Variants in MAP3K3 observed in about 807,000 individuals in gnomAD.
MAP3K3 encodes the protein mitogen-activated protein kinase kinase kinase 3, also known as MAP/ERK kinase kinase 3.
MAP3K3 carries 12 observed loss-of-function variants against 80.9 expected under a neutral mutation model. That is an observed-to-expected ratio of 0.15 (90% CI 0.10 to 0.24). The LOEUF (loss-of-function observed/expected upper bound fraction) is 0.24, where lower values mean the gene tolerates loss of function less well. Ranked by LOEUF, MAP3K3 falls within the 10% of genes least tolerant of loss-of-function variation. MAP3K3 has a pLI of 1.00. For synonymous variants in MAP3K3, 272 were observed against 307.1 expected, an observed-to-expected ratio of 0.89 and a Z score of 1.19; for missense variants, 596 against 834.7, an observed-to-expected ratio of 0.71 and a Z score of 3.52.
intron 4 of MAP3K3, among the ~76,000 whole-genome samples, chr17:63,654,733 G>A (rs1383119925): frequency 6.6e-6 from 1 of 152,150 alleles, no homozygotes; most frequent in Non-Finnish European, 1.5e-5. Flanking sequence ...CCGAGACTGG[G>A]TAATTTATAA....
At chr17:63,628,501 C>T (rs2034151866) in intron 1 of MAP3K3, among the ~76,000 whole-genome samples, 1 of 151,662 alleles carries the variant, frequency 6.6e-6, no homozygotes, top group Non-Finnish European at 1.5e-5. Flanking sequence ...GATGGGATTA[C>T]AGGCATGTGC....
In MAP3K3 at chr17:63,695,071, T is replaced by TGG. The variant is rs1364586215; in HGVS notation, c.*1296_*1297dup. 1 of 146,748 alleles carries TGG rather than the reference T, an allele frequency of 6.8e-6. No homozygotes were observed. The highest frequency in any genetic ancestry group is 1.5e-5 in the Non-Finnish European group (1 of 66,870). The allele number at this position is 146,748 out of a possible 1,614,324, so 9.1% of individuals were successfully genotyped here. A position where few individuals can be genotyped will look rare whatever the true frequency, so the allele number is the denominator to read the frequency against. On this transcript the variant is annotated 3_prime_UTR_variant, in exon 16 of 16. Transcript: ENST00000361733. This position sits in a 1 kb window ranked among gnomAD's most constrained non-coding sequence, Gnocchi z 4.1. ...CCTCCCTCTCAACACCCAGTTTCCT[T>TGG]GGGAGTTGTCATTAAAGGAAAAAAA...
chr17:63,672,111 C>T (rs575932322), intron 6 of MAP3K3, among the ~76,000 whole-genome samples: 3 of 151,898 alleles, frequency 2.0e-5, no homozygotes, highest in East Asian at 1.9e-4. Context: ...GGTGAAACCC[C>T]GTCTCTATGA....
intron 5 of MAP3K3, among the ~76,000 whole-genome samples, chr17:63,664,185 T>C (rs1044918121): frequency 1.3e-4 from 18 of 139,716 alleles, no homozygotes; most frequent in Non-Finnish European, 2.3e-4. Flanking sequence ...AGGCGGAGCT[T>C]GCAGTGAGCC....
At chr17:63,662,568 G>A (rs2034915727) in intron 5 of MAP3K3, among the ~76,000 whole-genome samples, 1 of 151,998 alleles carries the variant, frequency 6.6e-6, no homozygotes, top group Non-Finnish European at 1.5e-5. Context: ...AGGTGAGGCA[G>A]TGTGTAGTGA....
intron 5 of MAP3K3, among the ~76,000 whole-genome samples, chr17:63,658,544 C>T (rs1335937028): frequency 6.6e-6 from 1 of 152,130 alleles, no homozygotes; most frequent in Non-Finnish European, 1.5e-5. Flanking sequence ...ATCTGTCTTC[C>T]AATTACTGAT....
Position 63,692,552 on chromosome 17 carries a change from G to C in MAP3K3, c.1652+133G>C. On this transcript the variant is annotated intron_variant, in intron 15 of 15. Transcript: ENST00000361733. The surrounding 1 kb of genome is among the most constrained non-coding windows in gnomAD (Gnocchi z 4.5). Reference sequence around the variant, plus strand: ...GGGCCCAGGCTGCAGTGTGTGCAAGGGTATTATTGGGTGCAGTAGCACACA... The same window carrying C: ...GGGCCCAGGCTGCAGTGTGTGCAAGCGTATTATTGGGTGCAGTAGCACACA... 1.1e-6 allele frequency: 1 copy of C among 876,724 alleles called. No homozygotes were observed. The highest frequency in any genetic ancestry group is 1.7e-6 in the Non-Finnish European group (1 of 589,536). The allele number at this position is 876,724 out of a possible 1,614,324, so 54.3% of individuals were successfully genotyped here.
chr17:63,680,783 A>ATTGTT (rs1385602685), intron 6 of MAP3K3, among the ~76,000 whole-genome samples: 2 of 150,764 alleles, frequency 1.3e-5, no homozygotes, highest in Non-Finnish European at 2.9e-5. Context: ...AACATAAATA[A>ATTGTT]TTGTTTTTGG....
In MAP3K3 at chr17:63,689,865, G is replaced by T. The variant is rs888592330; in HGVS notation, c.1063+130G>T. On this transcript the variant is annotated intron_variant, in intron 11 of 15. Transcript: ENST00000361733. This position sits in a 1 kb window ranked among gnomAD's most constrained non-coding sequence, Gnocchi z 4.3. ...GCTTTGGCCCAAATGCACCACATGGGATAAGCCTTGGAGTGTCTGAAGCCT... is the reference window on the plus strand; with the variant it reads ...GCTTTGGCCCAAATGCACCACATGGTATAAGCCTTGGAGTGTCTGAAGCCT... 1.5e-5 allele frequency: 12 copies of T among 816,316 alleles called. No individual in the cohort carries two copies. The Admixed American group carries it at 3.0e-4, about 21-fold the overall frequency. The allele number at this position is 816,316 out of a possible 1,614,324, so 50.6% of individuals were successfully genotyped here. A position where few individuals can be genotyped will look rare whatever the true frequency, so the allele number is the denominator to read the frequency against.
In MAP3K3 at chr17:63,693,838, G is replaced by A; in HGVS notation, c.*61G>A. ...CTGCATGGCAGGGGGCTGCTGCTGGGCTCAGTGAAGTTGCTGCTTCTCCCA... is the reference window on the plus strand; with the variant it reads ...CTGCATGGCAGGGGGCTGCTGCTGGACTCAGTGAAGTTGCTGCTTCTCCCA... On this transcript the variant is annotated 3_prime_UTR_variant, in exon 16 of 16. Coordinates refer to ENST00000361733, the MANE Select transcript of MAP3K3 (RefSeq NM_002401.5). This position sits in a 1 kb window ranked among gnomAD's most constrained non-coding sequence, Gnocchi z 4.2. 1.4e-6 allele frequency: 2 copies of A among 1,435,900 alleles called. No homozygotes were observed. The highest frequency in any genetic ancestry group is 1.9e-6 in the Non-Finnish European group (2 of 1,047,610). The allele number at this position is 1,435,900 out of a possible 1,614,324, so 88.9% of individuals were successfully genotyped here.
At chr17:63,680,271 A>C (rs1165858147) in intron 6 of MAP3K3, among the ~76,000 whole-genome samples, 2 of 152,084 alleles carry the variant, frequency 1.3e-5, no homozygotes, top group African/African-American at 4.8e-5. Context: ...GGGTCGTGGG[A>C]GAGAGGTAAG....
chr17:63,629,867 A>G (rs1202316896), intron 1 of MAP3K3, among the ~76,000 whole-genome samples: 1 of 152,198 alleles, frequency 6.6e-6, no homozygotes, highest in Non-Finnish European at 1.5e-5. Flanking sequence ...CTGGAAACAG[A>G]ATTTGTCAAC....
chr17:63,681,613 G>A (rs562962707), intron 6 of MAP3K3, among the ~76,000 whole-genome samples, 153 bp from the exon 7 acceptor site: 2 of 152,254 alleles, frequency 1.3e-5, no homozygotes, highest in African/African-American at 4.8e-5. Flanking sequence ...GACTTTGTTT[G>A]CCTGAGGGAG....
intron 2 of MAP3K3, among the ~76,000 whole-genome samples, chr17:63,639,256 TA>T (rs1224127768): frequency 6.6e-6 from 1 of 151,934 alleles, no homozygotes; most frequent in Non-Finnish European, 1.5e-5. Context: ...GTGAAGGAAG[TA>T]TAAACAGTTA....
chr17:63,667,697 C>T (rs1005340831), intron 6 of MAP3K3, among the ~76,000 whole-genome samples: 3 of 152,196 alleles, frequency 2.0e-5, no homozygotes, highest in African/African-American at 4.8e-5. Context: ...TTTAAATCAT[C>T]TCCGGGTTAT....
rs150672830 is a variant in MAP3K3 at position 63,680,842 on chromosome 17, G to A, written c.503-924G>A. Among the ~76,000 whole-genome samples, 810 of 148,932 alleles carry A rather than the reference G, an allele frequency of 5.4e-3. 25 individuals are homozygous for A. Among genetic ancestry groups the A allele is most frequent in the Admixed American group, 0.047 (701 of 14,988 alleles). On this transcript the variant is annotated intron_variant, in intron 6 of 15. Transcript: ENST00000361733. ...TAAGATTTAAGTTCCTTGAGTCTCC[G>A]TCTCCTCCTCTGTTAAGTAAAGCAA...
intron 2 of MAP3K3, among the ~76,000 whole-genome samples, chr17:63,635,767 C>T (rs1190332303): frequency 2.6e-5 from 4 of 152,106 alleles, no homozygotes; most frequent in African/African-American, 9.7e-5. Flanking sequence ...TAGAATGAAA[C>T]AGTTTTCTTC....
rs538029873 is a variant in MAP3K3, at chr17:63,695,325, T to A, written c.*1548T>A. ...TGTTAATTTATATCTCAGATCATAT[T>A]TGATGGTTTTTATATATATCAATTC... On this transcript the variant is annotated 3_prime_UTR_variant, in exon 16 of 16. Transcript: ENST00000361733. The surrounding 1 kb of genome is among the most constrained non-coding windows in gnomAD (Gnocchi z 4.1). 1 of 152,812 alleles carries A rather than the reference T, an allele frequency of 6.5e-6. No homozygotes were observed. Among genetic ancestry groups the A allele is most frequent in the African/African-American group, 2.4e-5 (1 of 41,588 alleles). 9.5% of individuals were successfully genotyped at this position (152,812 alleles called of 1,614,324 possible).
At chr17:63,681,169 G>A (rs1403409443) in intron 6 of MAP3K3, among the ~76,000 whole-genome samples, 1 of 151,838 alleles carries the variant, frequency 6.6e-6, no homozygotes, top group Non-Finnish European at 1.5e-5. Context: ...GTGTGGGAGT[G>A]GGTAGGAATG....
Sources: gnomAD v4.1 joint callset for allele counts (sites outside exome capture counted in the v4.1 genomes callset) on GRCh38, gnomAD v4.1.1 for gene constraint, Gnocchi (gnomAD v3.1) non-coding constraint, MANE v1.5 for transcripts, NCBI Gene and HGNC (gene_info 2026-07-23, HGNC 2026-07-21) for gene names.